GPATCH2: variants seen among roughly 807,000 people sequenced by gnomAD.
GPATCH2 encodes G-patch domain containing 2, also known as G patch domain-containing protein 2.
A neutral mutation model predicts 58.0 loss-of-function variants in GPATCH2; 51 were observed. That is an observed-to-expected ratio of 0.88 (90% CI 0.70 to 1.11). The LOEUF is 1.11. Ranked by LOEUF, GPATCH2 falls within the 50% of genes most tolerant of loss-of-function variation. The probability of loss-of-function intolerance (pLI) is 0.00; values close to 1 mark genes in which losing one functional copy is unlikely to be tolerated. For synonymous variants in GPATCH2, 222 were observed against 218.5 expected (o/e 1.02, Z -0.14); for missense variants, 625 against 652.2 (o/e 0.96, Z 0.45).
intron 5 of GPATCH2, among the ~76,000 whole-genome samples, chr1:217,570,395 G>A (rs1044601808): frequency 6.6e-6 from 1 of 152,128 alleles, no homozygotes; most frequent in Non-Finnish European, 1.5e-5. Flanking sequence ...TTACAGGCCT[G>A]AGCCACCACA....
intron 5 of GPATCH2, among the ~76,000 whole-genome samples, chr1:217,523,755 C>A: frequency 6.7e-6 from 1 of 149,238 alleles, no homozygotes; most frequent in Admixed American, 6.6e-5. Flanking sequence ...GGCGGCCGGG[C>A]AGAGGCGCCC....
chr1:217,573,350 GA>G lies in GPATCH2; in HGVS notation c.1098+36970del, dbSNP rs929589847. On this transcript the variant is annotated intron_variant, in intron 5 of 9. Coordinates refer to ENST00000366935, the MANE Select transcript of GPATCH2 (RefSeq NM_018040.5). Reference sequence around the variant, plus strand: ...GCATTAAAATAATTGTGCTCACTTGGAAAAAAAAAATCAAAATACAGTAACA... The same window carrying G: ...GCATTAAAATAATTGTGCTCACTTGGAAAAAAAAATCAAAATACAGTAACA... 4.5e-3 allele frequency among the ~76,000 whole-genome samples: 669 copies of G among 148,848 alleles called. 4 individuals are homozygous for G. The highest frequency in any genetic ancestry group is 0.015 in the African/African-American group (616 of 40,720).
At chr1:217,620,921 A>G (rs902179987) in intron 1 of GPATCH2, among the ~76,000 whole-genome samples, 2 of 152,204 alleles carry the variant, frequency 1.3e-5, no homozygotes, top group African/African-American at 4.8e-5. Context: ...GAAACATGAA[A>G]TCTTCTATTC....
chr1:217,447,529 T>C (rs1310776641), intron 9 of GPATCH2, among the ~76,000 whole-genome samples: 1 of 152,160 alleles, frequency 6.6e-6, no homozygotes, highest in East Asian at 1.9e-4. Flanking sequence ...ATCTCCCTCA[T>C]ACAGTTGTTA....
At chr1:217,490,824 A>T (rs1334303014) in intron 8 of GPATCH2, among the ~76,000 whole-genome samples, 1 of 152,192 alleles carries the variant, frequency 6.6e-6, no homozygotes, top group African/African-American at 2.4e-5. Context: ...CTGATGGTGA[A>T]TTATCCCATT....
At chr1:217,555,119 G>T (rs1000387618) in intron 5 of GPATCH2, among the ~76,000 whole-genome samples, 1 of 152,102 alleles carries the variant, frequency 6.6e-6, no homozygotes, top group Non-Finnish European at 1.5e-5. Flanking sequence ...CACTGTTAAT[G>T]GATTTCTAAA....
chr1:217,498,979 C>T (rs1177333529), intron 6 of GPATCH2, among the ~76,000 whole-genome samples: 1 of 152,106 alleles, frequency 6.6e-6, no homozygotes, highest in Admixed American at 6.5e-5. Context: ...ATCATCAAAG[C>T]CTTGCCTTCT....
intron 5 of GPATCH2, among the ~76,000 whole-genome samples, chr1:217,519,291 T>C (rs961351646): frequency 6.6e-6 from 1 of 152,214 alleles, no homozygotes; most frequent in Admixed American, 6.5e-5. Context: ...TATTACAGAA[T>C]GGTCACAAAT....
chr1:217,616,301 T>C (rs929552351), intron 2 of GPATCH2, among the ~76,000 whole-genome samples: 4 of 152,152 alleles, frequency 2.6e-5, no homozygotes, highest in African/African-American at 4.8e-5. Context: ...AATTTAAAAT[T>C]ACTTCAAAAC....
chr1:217,516,542 T>C (rs1663161077), intron 5 of GPATCH2, among the ~76,000 whole-genome samples: 1 of 152,156 alleles, frequency 6.6e-6, no homozygotes, highest in Admixed American at 6.6e-5. Context: ...CCAGTGGGTA[T>C]CCCTGGAATA....
At chr1:217,608,441 A>T in intron 5 of GPATCH2, 1 of 985,132 alleles carries the variant, frequency 1.0e-6, no homozygotes, top group Non-Finnish European at 1.2e-6. Context: ...AGAGAGGGAA[A>T]GCAGCTTTTA....
intron 9 of GPATCH2, among the ~76,000 whole-genome samples, chr1:217,444,936 CT>C (rs1659316703): frequency 6.6e-6 from 1 of 152,160 alleles, no homozygotes; most frequent in African/African-American, 2.4e-5. Flanking sequence ...GCAAATGAGC[CT>C]TTAAAAAGTC....
chr1:217,584,022 G>A (rs1667201413), intron 5 of GPATCH2, among the ~76,000 whole-genome samples: 1 of 151,866 alleles, frequency 6.6e-6, no homozygotes, highest in South Asian at 2.1e-4. Context: ...TAAGCATAAT[G>A]GAAGAAAAAT....
At chr1:217,608,265 G>A (rs1571646065) in intron 5 of GPATCH2, 1 of 977,102 alleles carries the variant, frequency 1.0e-6, no homozygotes, top group Non-Finnish European at 1.2e-6. Flanking sequence ...ACAATTCAGG[G>A]TTGAAAGAAA....
At chr1:217,512,789 T>G (rs1474005638) in intron 6 of GPATCH2, among the ~76,000 whole-genome samples, 1 of 152,188 alleles carries the variant, frequency 6.6e-6, no homozygotes, top group Non-Finnish European at 1.5e-5. Context: ...CCCCTTACTT[T>G]CACCAACAAG....
At chr1:217,470,278 T>A (rs1660658652) in intron 8 of GPATCH2, among the ~76,000 whole-genome samples, 1 of 152,198 alleles carries the variant, frequency 6.6e-6, no homozygotes. Context: ...CCATCCTTAG[T>A]GACCATGGCC....
intron 5 of GPATCH2, among the ~76,000 whole-genome samples, chr1:217,571,956 G>A (rs1309155469): frequency 7.1e-6 from 1 of 141,002 alleles, no homozygotes; most frequent in Non-Finnish European, 1.5e-5. Context: ...AAGGGAGGAA[G>A]GAAGGAAGGA....
chr1:217,598,362 G>A (rs553075197), intron 5 of GPATCH2, among the ~76,000 whole-genome samples: 6 of 152,064 alleles, frequency 3.9e-5, no homozygotes, highest in East Asian at 1.9e-4. Flanking sequence ...CACTCAAGCC[G>A]GGGCCACAGA....
chr1:217,432,389 G>C (rs1422065042), intron 9 of GPATCH2, among the ~76,000 whole-genome samples: 1 of 151,922 alleles, frequency 6.6e-6, no homozygotes, highest in Admixed American at 6.6e-5. Context: ...TTTTGTTCTA[G>C]GGAAAAACTC....
Sources: gnomAD v4.1 joint callset for allele counts (sites outside exome capture counted in the v4.1 genomes callset) on GRCh38, gnomAD v4.1.1 for gene constraint, MANE v1.5 for transcripts, NCBI Gene and HGNC (gene_info 2026-07-23, HGNC 2026-07-21) for gene names.